Variants in COL11A1 observed in about 807,000 individuals in gnomAD.
The protein encoded by COL11A1 is collagen alpha-1(XI) chain.
Under a neutral mutation model 265.2 loss-of-function variants are expected in COL11A1, and 74 were observed. The ratio of observed to expected loss-of-function variants is 0.28; its 90% CI spans 0.23 to 0.34. The LOEUF (loss-of-function observed/expected upper bound fraction) is 0.34, where lower values mean the gene tolerates loss of function less well. Among genes scored for constraint, COL11A1 ranks in the 10% least tolerant of loss-of-function variants. COL11A1 has a pLI of 1.00. For missense variants in COL11A1, 2,165 were observed against 2,263.6 expected (o/e 0.96, Z 0.88); for synonymous variants, 816 against 727.6 (o/e 1.12, Z -1.96).
intron 5 of COL11A1, among the ~76,000 whole-genome samples, chr1:103,028,963 G>T (rs1247827046): frequency 3.3e-5 from 5 of 151,988 alleles, no homozygotes; most frequent in African/African-American, 4.8e-5. Flanking sequence ...ATATTAGCTT[G>T]TCACCTATTT....
At chr1:102,896,542 G>GT (rs1431327324) in intron 57 of COL11A1, among the ~76,000 whole-genome samples, 1 of 152,078 alleles carries the variant, frequency 6.6e-6, no homozygotes, top group Non-Finnish European at 1.5e-5. Flanking sequence ...TATTCACATC[G>GT]TAAGTACTCG....
At chr1:103,101,250 A>T (rs1674245443) in intron 1 of COL11A1, among the ~76,000 whole-genome samples, 1 of 151,914 alleles carries the variant, frequency 6.6e-6, no homozygotes, top group South Asian at 2.1e-4. Flanking sequence ...AGGGCACTCT[A>T]ACCCAATTAG....
intron 5 of COL11A1, among the ~76,000 whole-genome samples, chr1:103,028,909 A>G (rs905185756): frequency 3.3e-5 from 5 of 152,174 alleles, no homozygotes; most frequent in African/African-American, 1.2e-4. Flanking sequence ...AGATAGGAAG[A>G]TAATTTCACT....
At chr1:103,055,902 C>T (rs1287818877) in intron 4 of COL11A1, among the ~76,000 whole-genome samples, 1 of 152,056 alleles carries the variant, frequency 6.6e-6, no homozygotes, top group African/African-American at 2.4e-5. Flanking sequence ...CTGTGTGAGC[C>T]CGCTACAGCC....
intron 4 of COL11A1, among the ~76,000 whole-genome samples, chr1:103,060,597 T>C (rs1301659694): frequency 6.6e-6 from 1 of 152,182 alleles, no homozygotes; most frequent in East Asian, 1.9e-4. Flanking sequence ...TTTTATAAGA[T>C]ACTTGCTTGC....
Position 102,891,472 on chromosome 1 carries a change from C to T in COL11A1, c.4303-968G>A, listed in dbSNP as rs1651772222. ...CTAAGACATTTATCCTTTTAACTTA[C>T]ATTCTATGAAAATTATGGCATGACT... On this transcript the variant is annotated intron_variant, in intron 57 of 66. Coordinates refer to ENST00000370096, the MANE Select transcript of COL11A1 (RefSeq NM_001854.4). Among the ~76,000 whole-genome samples, 4 of 152,046 alleles carry T rather than the reference C, an allele frequency of 2.6e-5. No individual in the cohort carries two copies. The South Asian group carries it at 8.3e-4, about 32-fold the overall frequency.
chr1:103,049,666 CAT>C (rs1247259547), intron 4 of COL11A1, among the ~76,000 whole-genome samples: 5 of 152,262 alleles, frequency 3.3e-5, no homozygotes, highest in African/African-American at 1.2e-4. Flanking sequence ...CTATTTTGCT[CAT>C]TAGTTGATGC....
chr1:103,065,851 T>C (rs1408598559), intron 4 of COL11A1, among the ~76,000 whole-genome samples: 1 of 151,984 alleles, frequency 6.6e-6, no homozygotes, highest in Non-Finnish European at 1.5e-5. Flanking sequence ...TATGACAATC[T>C]ACTGAAGTCA....
Position 102,886,966 on chromosome 1 carries a change from C to T in COL11A1, c.4699G>A (p.Asp1567Asn). 6.2e-7 allele frequency: 1 copy of T among 1,613,868 alleles called. No individual in the cohort carries two copies. The change falls in exon 63 of 67, where the codon GAT (aspartate) becomes AAT (asparagine). Residue 1567 changes from aspartate (D) to asparagine (N), a missense_variant. Coordinates refer to ENST00000370096, the MANE Select transcript of COL11A1 (RefSeq NM_001854.4). Reference protein sequence around the residue: ...HTEGMQADADDNILDYSDGME... With the variant: ...HTEGMQADADNNILDYSDGME... Reference sequence around the variant, plus strand: ...CCATCCGAGTAATCAAGAATATTATCATCTGCATCTGCTTGCATGCCTTCA... The same window carrying T: ...CCATCCGAGTAATCAAGAATATTATTATCTGCATCTGCTTGCATGCCTTCA...
intron 31 of COL11A1, among the ~76,000 whole-genome samples, chr1:102,982,032 A>G (rs375021255): frequency 1.3e-5 from 2 of 151,948 alleles, no homozygotes; most frequent in African/African-American, 4.8e-5. Flanking sequence ...GCTATCTTTC[A>G]TTTTGGATGT....
At chr1:102,931,743 C>T (rs1214888012) in intron 46 of COL11A1, among the ~76,000 whole-genome samples, 1 of 151,928 alleles carries the variant, frequency 6.6e-6, no homozygotes, top group African/African-American at 2.4e-5. Flanking sequence ...CTTTGTAGGT[C>T]ACTCAGGACT....
chr1:102,894,377 G>A (rs1652132528), intron 57 of COL11A1, among the ~76,000 whole-genome samples: 1 of 151,918 alleles, frequency 6.6e-6, no homozygotes, highest in African/African-American at 2.4e-5. Flanking sequence ...TACTAAAAAT[G>A]ACAAAAATTA....
intron 30 of COL11A1, among the ~76,000 whole-genome samples, chr1:102,985,391 G>C (rs1455544361): frequency 6.6e-6 from 1 of 152,066 alleles, no homozygotes; most frequent in Admixed American, 6.6e-5. Context: ...GCATTACATA[G>C]ATAAGTAGTC....
intron 31 of COL11A1, 130 bp from the exon 32 acceptor site, chr1:102,979,565 G>T (rs1341492314): frequency 1.4e-6 from 1 of 732,854 alleles, no homozygotes; most frequent in Non-Finnish European, 2.5e-6. Flanking sequence ...GAAATTTTAA[G>T]ATATCATCGA....
intron 1 of COL11A1, among the ~76,000 whole-genome samples, chr1:103,106,233 T>C (rs1447765877): frequency 6.6e-6 from 1 of 152,178 alleles, no homozygotes; most frequent in Non-Finnish European, 1.5e-5. Flanking sequence ...AATAAATAGC[T>C]TCAGTAAAAT....
intron 41 of COL11A1, among the ~76,000 whole-genome samples, chr1:102,948,497 A>T (rs1021112743): frequency 2.6e-5 from 4 of 152,034 alleles, no homozygotes; most frequent in Non-Finnish European, 5.9e-5. Flanking sequence ...AGACATTGCC[A>T]AAAATATAAT....
intron 6 of COL11A1, 163 bp downstream of exon 6, chr1:103,026,053 T>C: frequency 1.5e-6 from 2 of 1,297,950 alleles, no homozygotes; most frequent in Non-Finnish European, 2.2e-6. Flanking sequence ...GAAATGGACA[T>C]CATTCTTCAA....
chr1:103,024,066 TATC>T (rs1362636456), intron 7 of COL11A1, among the ~76,000 whole-genome samples: 2 of 152,186 alleles, frequency 1.3e-5, no homozygotes, highest in East Asian at 3.9e-4. Flanking sequence ...GAATCCGACT[TATC>T]ATGTGAATAT....
chr1:103,094,328 G>T (rs1253876021), intron 1 of COL11A1, among the ~76,000 whole-genome samples: 1 of 152,070 alleles, frequency 6.6e-6, no homozygotes, highest in Non-Finnish European at 1.5e-5. Flanking sequence ...TAGACAATCT[G>T]GCAGAAGTGG....
Sources: gnomAD v4.1 joint callset for allele counts (sites outside exome capture counted in the v4.1 genomes callset) on GRCh38, gnomAD v4.1.1 for gene constraint, MANE v1.5 for transcripts, NCBI Gene and HGNC (gene_info 2026-07-23, HGNC 2026-07-21) for gene names.